Variants in CA10 observed in about 807,000 individuals in gnomAD.
CA10 encodes carbonic anhydrase-related protein 10.
A neutral mutation model predicts 44.2 loss-of-function variants in CA10; 14 were observed. That is an observed-to-expected ratio of 0.32 (90% confidence interval 0.21 to 0.50). CA10 has a LOEUF of 0.50. Among genes scored for constraint, CA10 ranks in the 20% least tolerant of loss-of-function variants. CA10 has a pLI of 0.99. For synonymous variants in CA10, 159 were observed against 141.6 expected, an observed-to-expected ratio of 1.12 and a Z score of -0.87; for missense variants, 350 against 409.7, an observed-to-expected ratio of 0.85 and a Z score of 1.26.
intron 3 of CA10, among the ~76,000 whole-genome samples, chr17:51,865,728 G>C (rs1160526306): frequency 6.6e-6 from 1 of 152,240 alleles, no homozygotes; most frequent in African/African-American, 2.4e-5. Context: ...ATCAGTGCTA[G>C]AGCTAAGCTT....
chr17:51,637,526 G>A (rs1318393243), intron 6 of CA10, among the ~76,000 whole-genome samples: 1 of 152,196 alleles, frequency 6.6e-6, no homozygotes, highest in African/African-American at 2.4e-5. Context: ...CCCCATGGAT[G>A]CACACATGTT....
At chr17:51,815,826 G>C (rs1907544397) in intron 3 of CA10, among the ~76,000 whole-genome samples, 1 of 151,818 alleles carries the variant, frequency 6.6e-6, no homozygotes, top group Non-Finnish European at 1.5e-5. Flanking sequence ...AATATAATGG[G>C]ATACACGAGA....
chr17:51,818,321 A>G (rs1907645205), intron 3 of CA10, among the ~76,000 whole-genome samples: 1 of 152,210 alleles, frequency 6.6e-6, no homozygotes, highest in African/African-American at 2.4e-5. Flanking sequence ...TCTTTGCAAT[A>G]TTCACAAAAC....
chr17:52,097,144 G>GC (rs1272414434), intron 1 of CA10, among the ~76,000 whole-genome samples: 1 of 151,938 alleles, frequency 6.6e-6, no homozygotes. Context: ...CTGAGAAGCA[G>GC]GATTGCTTAA....
chr17:51,902,524 A>G (rs1981363328), intron 3 of CA10, among the ~76,000 whole-genome samples: 1 of 152,186 alleles, frequency 6.6e-6, no homozygotes, highest in African/African-American at 2.4e-5. Context: ...TTACCTGCCA[A>G]GGCCACACAA....
intron 3 of CA10, among the ~76,000 whole-genome samples, chr17:51,914,838 C>T (rs1341100078): frequency 6.6e-6 from 1 of 152,184 alleles, no homozygotes; most frequent in Non-Finnish European, 1.5e-5. Context: ...ATCTCTGTAA[C>T]TCTGGGTAAA....
At chr17:51,843,377 T>C (rs1276636584) in intron 3 of CA10, among the ~76,000 whole-genome samples, 1 of 152,178 alleles carries the variant, frequency 6.6e-6, no homozygotes, top group East Asian at 1.9e-4. Flanking sequence ...AGAAAAGACA[T>C]CCTGTCATTT....
At chr17:51,756,881 C>G (rs1380777615) in intron 3 of CA10, among the ~76,000 whole-genome samples, 1 of 152,124 alleles carries the variant, frequency 6.6e-6, no homozygotes, top group Non-Finnish European at 1.5e-5. Context: ...GTATCCAGAC[C>G]TGGTCTAGAC....
At chr17:52,019,775 A>AT (rs1326122166) in intron 2 of CA10, among the ~76,000 whole-genome samples, 1 of 151,988 alleles carries the variant, frequency 6.6e-6, no homozygotes, top group Non-Finnish European at 1.5e-5. Flanking sequence ...TTCCAATGTA[A>AT]TTGCTTCTTT....
intron 4 of CA10, among the ~76,000 whole-genome samples, chr17:51,718,532 C>A (rs1916250333): frequency 1.3e-5 from 2 of 152,094 alleles, no homozygotes; most frequent in African/African-American, 4.8e-5. Context: ...ACAGTTATTC[C>A]CCCCGGCTCT....
chr17:51,688,723 T>A (rs1048703787), intron 4 of CA10, among the ~76,000 whole-genome samples: 59 of 152,218 alleles, frequency 3.9e-4, no homozygotes, highest in African/African-American at 1.4e-3. Flanking sequence ...ATTCCAGACC[T>A]AGTACAAGTA....
chr17:51,663,599 G>A (rs1355795947), intron 4 of CA10, among the ~76,000 whole-genome samples: 7 of 152,214 alleles, frequency 4.6e-5, no homozygotes, highest in Non-Finnish European at 7.4e-5. Flanking sequence ...TCAAATAATC[G>A]TGCTGATTAA....
chr17:51,688,528 C>G (rs1327437106), intron 4 of CA10, among the ~76,000 whole-genome samples: 1 of 152,150 alleles, frequency 6.6e-6, no homozygotes, highest in African/African-American at 2.4e-5. Context: ...ATCCCTACTT[C>G]TTAGGTTGCT....
At position 51,775,201 on chromosome 17, in the gene CA10, A is replaced by G. The variant is rs141243926; in HGVS notation, c.280-27383T>C. 9.7e-3 allele frequency among the ~76,000 whole-genome samples: 1,482 copies of G among 152,298 alleles called. 27 individuals carry two copies. Among genetic ancestry groups the G allele is most frequent in the African/African-American group, 0.033 (1,373 of 41,544 alleles). ...GCTATCTGCTCTGAAAGGCCTGCTC[A>G]CAGAGAGGGCACAGTCTGGTTTACT... On this transcript the variant is annotated intron_variant, in intron 3 of 8. Coordinates refer to ENST00000451037, the MANE Select transcript of CA10 (RefSeq NM_020178.5).
At chr17:51,644,455 T>C (rs534435354) in intron 6 of CA10, among the ~76,000 whole-genome samples, 1 of 152,204 alleles carries the variant, frequency 6.6e-6, no homozygotes, top group African/African-American at 2.4e-5. Flanking sequence ...CTCTATTTAT[T>C]CTTACTCTCA....
intron 7 of CA10, 109 bp downstream of exon 7, chr17:51,635,746 C>A (rs897129911): frequency 1.6e-5 from 13 of 817,970 alleles, no homozygotes; most frequent in Non-Finnish European, 2.2e-5. Flanking sequence ...GTTTGTGGGA[C>A]TTTGTTATAG....
chr17:51,730,451 G>A (rs992520113), intron 4 of CA10, among the ~76,000 whole-genome samples: 1 of 152,098 alleles, frequency 6.6e-6, no homozygotes, highest in African/African-American at 2.4e-5. Flanking sequence ...GAAATGTTTT[G>A]TAAATGTGGC....
In CA10 at chr17:51,730,488, G is replaced by A. The variant is rs1471622144; in HGVS notation, c.465+17145C>T. Among the ~76,000 whole-genome samples, 3 of 152,288 alleles carry A rather than the reference G, an allele frequency of 2.0e-5. No individual in the cohort carries two copies. The East Asian group carries it at 5.8e-4, about 29-fold the overall frequency. Reference sequence around the variant, plus strand: ...AGAAAATCAACAGGGACTTAAGGGAGGTTAAAGGAATTAACATGTGTTTGC... The same window carrying A: ...AGAAAATCAACAGGGACTTAAGGGAAGTTAAAGGAATTAACATGTGTTTGC... On this transcript the variant is annotated intron_variant, in intron 4 of 8. Transcript: ENST00000451037.
intron 3 of CA10, among the ~76,000 whole-genome samples, chr17:51,817,875 A>G (rs907993802): frequency 6.6e-6 from 1 of 152,190 alleles, no homozygotes; most frequent in East Asian, 1.9e-4. Context: ...AAAGACAAGC[A>G]TAGTCAAAGA....
Sources: gnomAD v4.1 joint callset for allele counts (sites outside exome capture counted in the v4.1 genomes callset) on GRCh38, gnomAD v4.1.1 for gene constraint, MANE v1.5 for transcripts, NCBI Gene and HGNC (gene_info 2026-07-23, HGNC 2026-07-21) for gene names.